TBCD: variants seen among roughly 807,000 people sequenced by gnomAD.
TBCD encodes the protein tubulin folding cofactor D.
A neutral mutation model predicts 169.3 loss-of-function variants in TBCD; 105 were observed. That is an observed-to-expected ratio of 0.62 (90% CI 0.53 to 0.73). The LOEUF is 0.73. Ranked by LOEUF, TBCD falls within the 30% of genes least tolerant of loss-of-function variation. The probability of loss-of-function intolerance (pLI) is 0.00; values close to 1 mark genes in which losing one functional copy is unlikely to be tolerated. For missense variants in TBCD, 1,444 were observed against 1,600.1 expected (o/e 0.90, Z 1.66); for synonymous variants, 700 against 643.9 (o/e 1.09, Z -1.32).
intron 13 of TBCD, among the ~76,000 whole-genome samples, chr17:82,847,369 A>G (rs1339618785): frequency 6.6e-6 from 1 of 151,442 alleles, no homozygotes; most frequent in African/African-American, 2.4e-5. Context: ...AAAAAAAAAA[A>G]AAAAAAAAAA....
At chr17:82,910,854 C>T (rs919260319) in intron 22 of TBCD, among the ~76,000 whole-genome samples, 8 of 152,222 alleles carry the variant, frequency 5.3e-5, no homozygotes, top group East Asian at 3.8e-4. Flanking sequence ...GCTGAGCCAC[C>T]GCGCCCAGCC....
intron 13 of TBCD, among the ~76,000 whole-genome samples, chr17:82,851,068 C>G (rs931557826): frequency 4.7e-4 from 71 of 152,274 alleles, no homozygotes; most frequent in African/African-American, 1.7e-3. Context: ...GAGGAACATT[C>G]ACAGATATTA....
At chr17:82,773,216 C>T (rs2048392736) in intron 6 of TBCD, among the ~76,000 whole-genome samples, 1 of 152,214 alleles carries the variant, frequency 6.6e-6, no homozygotes, top group Non-Finnish European at 1.5e-5. Context: ...GTCAGTGCCT[C>T]ATGCAGCGTC....
intron 6 of TBCD, among the ~76,000 whole-genome samples, chr17:82,779,847 G>T (rs543190057): frequency 1.7e-4 from 26 of 152,290 alleles, no homozygotes; most frequent in Non-Finnish European, 2.6e-4. Flanking sequence ...GGGTCTCCAC[G>T]TAGCTGTCTC....
At position 82,814,432 on chromosome 17, in the gene TBCD, C is replaced by T. The variant is rs114520759; in HGVS notation, c.1224-408C>T. 2.9e-3 allele frequency among the ~76,000 whole-genome samples: 443 copies of T among 152,346 alleles called. 1 individual carries two copies. The highest frequency in any genetic ancestry group is 5.1e-3 in the African/African-American group (210 of 41,580). ...ACTGACCAAGACTTGTCCTCACTCTCGGGAGATCTGAAGAGGCCCTGGGGT... is the reference window on the plus strand; with the variant it reads ...ACTGACCAAGACTTGTCCTCACTCTTGGGAGATCTGAAGAGGCCCTGGGGT... On this transcript the variant is annotated intron_variant, in intron 12 of 38. Coordinates refer to ENST00000355528, the MANE Select transcript of TBCD (RefSeq NM_005993.5).
intron 13 of TBCD, among the ~76,000 whole-genome samples, chr17:82,847,572 T>C (rs867903345): frequency 1.3e-5 from 2 of 152,200 alleles, no homozygotes; most frequent in African/African-American, 4.8e-5. Context: ...ATTTGTAAGT[T>C]GAAGTCTGAG....
chr17:82,883,657 G>C (rs2058524860), intron 14 of TBCD, among the ~76,000 whole-genome samples: 1 of 152,244 alleles, frequency 6.6e-6, no homozygotes, highest in Non-Finnish European at 1.5e-5. Context: ...TGCAGGGTTA[G>C]GCTCTGTGCA....
At chr17:82,855,179 G>A (rs974824534) in intron 13 of TBCD, among the ~76,000 whole-genome samples, 1 of 148,466 alleles carries the variant, frequency 6.7e-6, no homozygotes, top group Non-Finnish European at 1.5e-5. Flanking sequence ...GACCCTATGC[G>A]GTGCCACCTG....
chr17:82,931,771 G>A (rs2062233274), intron 33 of TBCD, among the ~76,000 whole-genome samples: 1 of 152,220 alleles, frequency 6.6e-6, no homozygotes, highest in African/African-American at 2.4e-5. Context: ...GTCGCCCAGA[G>A]GGGACCTCCC....
intron 13 of TBCD, among the ~76,000 whole-genome samples, chr17:82,868,195 C>G (rs1599059158): frequency 6.6e-6 from 1 of 152,296 alleles, no homozygotes; most frequent in Middle Eastern, 3.4e-3. Context: ...GAGCTGCACC[C>G]AAGGAGAGGG....
intron 22 of TBCD, among the ~76,000 whole-genome samples, chr17:82,909,830 C>T (rs575112037): frequency 2.0e-5 from 3 of 152,362 alleles, no homozygotes; most frequent in African/African-American, 7.2e-5. Context: ...CTCCCCAACC[C>T]CGAGATCTGG....
intron 15 of TBCD, among the ~76,000 whole-genome samples, chr17:82,887,356 G>A (rs537108161): frequency 3.3e-5 from 5 of 152,146 alleles, no homozygotes; most frequent in South Asian, 2.1e-4. Context: ...TCGGCTCTCC[G>A]TTGCCTATTC....
intron 13 of TBCD, among the ~76,000 whole-genome samples, chr17:82,849,340 C>T (rs927750685): frequency 3.3e-5 from 5 of 150,732 alleles, no homozygotes; most frequent in South Asian, 2.1e-4. Context: ...GGCTGCCTAC[C>T]GGGCTTGGTC....
chr17:82,813,335 T>G (rs2051599853), intron 12 of TBCD, among the ~76,000 whole-genome samples: 2 of 152,142 alleles, frequency 1.3e-5, no homozygotes, highest in Admixed American at 1.3e-4. Context: ...TATTTTCTGT[T>G]GTCTTCCCTC....
chr17:82,859,673 C>T (rs2056602099), intron 13 of TBCD: 2 of 985,306 alleles, frequency 2.0e-6, no homozygotes, highest in Admixed American at 6.1e-5. Flanking sequence ...TCCTGAGGAC[C>T]AGCAGAGGCT....
chr17:82,936,758 G>A (rs1243268519), intron 34 of TBCD, among the ~76,000 whole-genome samples: 1 of 152,202 alleles, frequency 6.6e-6, no homozygotes, highest in Non-Finnish European at 1.5e-5. Context: ...CCTTCCAGGT[G>A]CCCTCTCAGA....
At chr17:82,937,945 A>C in intron 35 of TBCD, 104 bp from the exon 36 acceptor site, 1 of 1,554,070 alleles carries the variant, frequency 6.4e-7, no homozygotes, top group Non-Finnish European at 8.7e-7. Flanking sequence ...GTGCTCACGG[A>C]TCTGCTCTGC....
chr17:82,796,638 G>A lies in TBCD; in HGVS notation c.772-1119G>A, dbSNP rs1051185779. On this transcript the variant is annotated intron_variant, in intron 7 of 38. Coordinates refer to ENST00000355528, the MANE Select transcript of TBCD (RefSeq NM_005993.5). Reference sequence around the variant, plus strand: ...TGGTCTGTCTGGCTGTCTCCTTCCTGTTTTGATCGTAGGTGTGGGATCTGC... The same window carrying A: ...TGGTCTGTCTGGCTGTCTCCTTCCTATTTTGATCGTAGGTGTGGGATCTGC... Among the ~76,000 whole-genome samples the A allele has an allele frequency of 2.6e-5, 4 of 152,110 alleles. No homozygotes were observed. In the East Asian group the frequency reaches 5.8e-4, roughly 22 times the overall value.
At chr17:82,896,892 G>A (rs1277986358) in intron 17 of TBCD, among the ~76,000 whole-genome samples, 2 of 152,140 alleles carry the variant, frequency 1.3e-5, no homozygotes, top group East Asian at 1.9e-4. Flanking sequence ...TTTCAAGCTC[G>A]GGGTCCGGGA....
Sources: gnomAD v4.1 joint callset for allele counts (sites outside exome capture counted in the v4.1 genomes callset) on GRCh38, gnomAD v4.1.1 for gene constraint, MANE v1.5 for transcripts, NCBI Gene and HGNC (gene_info 2026-07-23, HGNC 2026-07-21) for gene names.